The following TACO1 variants were observed in gnomAD, a reference collection of about 807,000 sequenced individuals.
TACO1 encodes translational activator of cytochrome c oxidase 1.
Under a neutral mutation model 24.0 loss-of-function variants are expected in TACO1, and 13 were observed. The observed-to-expected ratio is 0.54, with a 90% CI of 0.35 to 0.86. The LOEUF (loss-of-function observed/expected upper bound fraction) is 0.86, where lower values mean the gene tolerates loss of function less well. Ranked by LOEUF, TACO1 falls within the 40% of genes least tolerant of loss-of-function variation. The pLI is 0.01. For synonymous variants in TACO1, 149 were observed against 153.5 expected, an observed-to-expected ratio of 0.97 and a Z score of 0.22; for missense variants, 352 against 380.1, an observed-to-expected ratio of 0.93 and a Z score of 0.61.
Position 63,607,420 on chromosome 17 carries a change from G to T in TACO1, c.649G>T (p.Asp217Tyr). Residue 217 changes from aspartate (D) to tyrosine (Y), a missense_variant, in exon 4 of 5, where the codon GAT becomes TAT. Asp to Tyr is a radical substitution (Grantham distance 160). Coordinates refer to ENST00000258975, the MANE Select transcript of TACO1 (RefSeq NM_016360.4). The stretch of plus-strand genomic sequence containing the variant: ...GATGGCAATCGAAGCAGGAGCTGAG[G>T]ATGTCAAGGAAACTGAAGATGAAGA... ...LEMAIEAGAE[D>Y]VKETEDEEER... 6.2e-7 allele frequency: 1 copy of T among 1,614,190 alleles called. No homozygotes were observed. Among genetic ancestry groups the T allele is most frequent in the Non-Finnish European group, 8.5e-7 (1 of 1,180,024 alleles).
chr17:63,603,276 T>G (rs1342930690), intron 1 of TACO1, among the ~76,000 whole-genome samples: 3 of 151,988 alleles, frequency 2.0e-5, no homozygotes, highest in Non-Finnish European at 4.4e-5. Context: ...AAAATAATTA[T>G]TATGCACAAA....
chr17:63,608,142 T>C lies in TACO1; in HGVS notation c.*140T>C. On this transcript the variant is annotated 3_prime_UTR_variant, in exon 5 of 5. Transcript: ENST00000258975. The stretch of plus-strand genomic sequence containing the variant: ...AGGCCCAAGGACAGGACTTGCGACC[T>C]TGAAGCCAAAGGAATCTCACTTGTG... 1 of 908,542 alleles carries C rather than the reference T, an allele frequency of 1.1e-6. No individual in the cohort carries two copies. The highest frequency in any genetic ancestry group is 1.4e-5 in the South Asian group (1 of 70,696). The allele number at this position is 908,542 out of a possible 1,614,324, so 56.3% of individuals were successfully genotyped here. A position where few individuals can be genotyped will look rare whatever the true frequency, so the allele number is the denominator to read the frequency against.
Position 63,607,293 on chromosome 17 carries a change from G to A in TACO1, c.522G>A (p.Val174=), listed in dbSNP as rs2033869869. The A allele has an allele frequency of 6.2e-7, 1 of 1,613,590 alleles. No homozygotes were observed. Among genetic ancestry groups the A allele is most frequent in the African/African-American group, 1.3e-5 (1 of 74,918 alleles). The change falls in exon 4 of 5, where the codon GTG becomes GTA. Residue 174 remains valine, a synonymous_variant. Transcript: ENST00000258975. The part of the protein sequence containing the change: ...IRHILNKNGG[V]MAVGARHSFD... Reference sequence around the variant, plus strand: ...CTGTTTCCTTCCCTGTCAGAGGAGTGATGGCTGTAGGAGCTCGTCACTCTT... The same window carrying A: ...CTGTTTCCTTCCCTGTCAGAGGAGTAATGGCTGTAGGAGCTCGTCACTCTT...
chr17:63,601,931 T>C (rs1220006498), intron 1 of TACO1, among the ~76,000 whole-genome samples: 1 of 151,988 alleles, frequency 6.6e-6, no homozygotes. Flanking sequence ...GCCAGACATC[T>C]GTAGGAGCAA....
Position 63,608,031 on chromosome 17 carries a change from C to T in TACO1, c.*29C>T, listed in dbSNP as rs376575683. On this transcript the variant is annotated 3_prime_UTR_variant, in exon 5 of 5. Transcript: ENST00000258975. ...GGCTACATGTGCCCCCGGGTTCCTT[C>T]CTAGAAATGTGGCAGCCCATTCCAG... The T allele has an allele frequency of 2.4e-5, 39 of 1,611,658 alleles. No homozygotes were observed. The highest frequency in any genetic ancestry group is 2.5e-6 in the Non-Finnish European group (3 of 1,178,734).
intron 1 of TACO1, among the ~76,000 whole-genome samples, chr17:63,602,749 C>T (rs1305318636): frequency 1.3e-5 from 2 of 151,744 alleles, no homozygotes; most frequent in Non-Finnish European, 2.9e-5. Flanking sequence ...AGGCTGGTCT[C>T]GAACTCCTGA....
Position 63,601,001 on chromosome 17 carries a change from C to T in TACO1, c.-83C>T, listed in dbSNP as rs2033815338. On this transcript the variant is annotated 5_prime_UTR_variant, in exon 1 of 5. Transcript: ENST00000258975. ...GACCGGCACAGGCGGCCGCGGGGTC[C>T]GGAACTGCTTGTTCCGGCAGTGGAA... is the stretch of plus-strand genomic sequence containing the variant. The T allele has an allele frequency of 6.7e-6, 10 of 1,493,236 alleles. No individual in the cohort carries two copies. The highest frequency in any genetic ancestry group is 6.1e-5 in the South Asian group (5 of 82,258). 92.5% of individuals were successfully genotyped at this position (1,493,236 alleles called of 1,614,324 possible). A position where few individuals can be genotyped will look rare whatever the true frequency, so the allele number is the denominator to read the frequency against.
chr17:63,607,525 G>A, intron 4 of TACO1, 61 bp downstream of exon 4: 1 of 1,564,340 alleles, frequency 6.4e-7, no homozygotes, highest in Non-Finnish European at 8.8e-7. Context: ...GATGCCTTAT[G>A]CATGCCTCTT....
rs2143038073 is a variant in TACO1 at position 63,607,816 on chromosome 17, C to G, written c.708C>G (p.Ala236=). Residue 236 remains alanine, a synonymous_variant, in exon 5 of 5, where the codon GCC becomes GCG. Coordinates refer to ENST00000258975, the MANE Select transcript of TACO1 (RefSeq NM_016360.4). ...TTTATCCCTAGTTTATTTGTGATGCCTCTTCACTGCACCAAGTGAGGAAGA... is the reference window on the plus strand; with the variant it reads ...TTTATCCCTAGTTTATTTGTGATGCGTCTTCACTGCACCAAGTGAGGAAGA... ...ERNVFKFICD[A]SSLHQVRKKL... 1 of 1,614,068 alleles carries G rather than the reference C, an allele frequency of 6.2e-7. No homozygotes were observed. Among genetic ancestry groups the G allele is most frequent in the Non-Finnish European group, 8.5e-7 (1 of 1,180,018 alleles).
intron 1 of TACO1, 35 bp downstream of exon 1, chr17:63,601,398 G>A (rs2033820487): frequency 9.3e-6 from 15 of 1,606,564 alleles, no homozygotes; most frequent in Non-Finnish European, 1.3e-5. Context: ...ACTGGCTGCC[G>A]CTGCCCTCTC....
chr17:63,608,100 A>C lies in TACO1; in HGVS notation c.*98A>C. 1 of 1,367,790 alleles carries C rather than the reference A, an allele frequency of 7.3e-7. No homozygotes were observed. The allele number at this position is 1,367,790 out of a possible 1,614,324, so 84.7% of individuals were successfully genotyped here. On this transcript the variant is annotated 3_prime_UTR_variant, in exon 5 of 5. Coordinates refer to ENST00000258975, the MANE Select transcript of TACO1 (RefSeq NM_016360.4). ...AATCTCTGAGGGTAAAGCCGGTGGGAGGCTCAGCAGGCCAGGAGGCCCAAG... is the reference window on the plus strand; with the variant it reads ...AATCTCTGAGGGTAAAGCCGGTGGGCGGCTCAGCAGGCCAGGAGGCCCAAG...
At position 63,607,813 on chromosome 17, in the gene TACO1, T is replaced by G. The variant is rs1419851308; in HGVS notation, c.705T>G (p.Asp235Glu). The change falls in exon 5 of 5, where the codon GAT (aspartate) becomes GAG (glutamate). Residue 235 changes from aspartate to glutamate, a missense_variant. Physicochemically the swap from Asp to Glu is conservative, Grantham distance 45 (BLOSUM62 2). Transcript: ENST00000258975. ...TCCTTTATCCCTAGTTTATTTGTGA[T>G]GCCTCTTCACTGCACCAAGTGAGGA... ...EERNVFKFIC[D>E]ASSLHQVRKK... 1 of 1,614,080 alleles carries G rather than the reference T, an allele frequency of 6.2e-7. No homozygotes were observed. Among genetic ancestry groups the G allele is most frequent in the East Asian group, 2.2e-5 (1 of 44,882 alleles).
At chr17:63,603,711 G>C (rs1025635001) in intron 1 of TACO1, among the ~76,000 whole-genome samples, 2 of 141,922 alleles carry the variant, frequency 1.4e-5, no homozygotes, top group Non-Finnish European at 2.9e-5. Context: ...GTGAGACTCT[G>C]TCTCAAAAAA....
At chr17:63,602,917 C>A (rs775029659) in intron 1 of TACO1, among the ~76,000 whole-genome samples, 4 of 152,192 alleles carry the variant, frequency 2.6e-5, no homozygotes, top group Non-Finnish European at 2.9e-5. Flanking sequence ...CCTCAGATCA[C>A]AATGTCATGT....
rs1466082305 is a variant in TACO1, at chr17:63,601,194, C to G, written c.111C>G (p.Pro37=). 29 of 1,561,212 alleles carry G rather than the reference C, an allele frequency of 1.9e-5. No homozygotes were observed. The highest frequency in any genetic ancestry group is 2.4e-5 in the Non-Finnish European group (28 of 1,153,580). ...APPRDPRPSH[P]EPRGCGAAPG... ...CGCGCGACCCCCGGCCCTCCCACCC[C>G]GAGCCCCGGGGCTGCGGTGCCGCTC... Residue 37 remains proline, a synonymous_variant, in exon 1 of 5, where the codon CCC becomes CCG. Coordinates refer to ENST00000258975, the MANE Select transcript of TACO1 (RefSeq NM_016360.4).
intron 2 of TACO1, among the ~76,000 whole-genome samples, chr17:63,604,883 C>T (rs2033851296): frequency 6.6e-6 from 1 of 151,920 alleles, no homozygotes; most frequent in African/African-American, 2.4e-5. Context: ...GGCGTGGTGG[C>T]ATATGCTTGT....
chr17:63,605,477 A>G (rs1000742286), intron 2 of TACO1, among the ~76,000 whole-genome samples: 3 of 152,170 alleles, frequency 2.0e-5, no homozygotes, highest in Non-Finnish European at 4.4e-5. Flanking sequence ...TAAAAACTCT[A>G]TGTGTGTTAT....
In TACO1 at chr17:63,607,931, C is replaced by G. The variant is rs772718967; in HGVS notation, c.823C>G (p.Gln275Glu). 6.2e-7 allele frequency: 1 copy of G among 1,614,238 alleles called. No individual in the cohort carries two copies. Among genetic ancestry groups the G allele is most frequent in the African/African-American group, 1.3e-5 (1 of 75,066 alleles). Residue 275 changes from glutamine (Q) to glutamate (E), a missense_variant, in exon 5 of 5, where the codon CAG becomes GAG. By Grantham distance (29) the Gln-to-Glu change is conservative. Transcript: ENST00000258975. ...KVQLAEPDLE[Q>E]AAHLIQALSN... The stretch of plus-strand genomic sequence containing the variant: ...GCAGCTGGCTGAGCCCGACCTGGAA[C>G]AGGCCGCACATCTCATTCAGGCTCT...
intron 1 of TACO1, among the ~76,000 whole-genome samples, chr17:63,603,129 A>G (rs2033834507): frequency 6.6e-6 from 1 of 152,046 alleles, no homozygotes; most frequent in Non-Finnish European, 1.5e-5. Flanking sequence ...CCAGCTACTC[A>G]GGAGGCTGAG....
Sources: allele counts gnomAD v4.1 joint callset (sites outside exome capture counted in the v4.1 genomes callset), GRCh38; gene constraint gnomAD v4.1.1; transcripts MANE v1.5; gene names NCBI Gene and HGNC (gene_info 2026-07-23, HGNC 2026-07-21).